Variants in PLD1 observed in about 807,000 individuals in gnomAD.
PLD1 encodes the protein phospholipase D1, also known as choline phosphatase 1.
In PLD1, 112 loss-of-function variants were observed where a neutral mutation model predicts 137.1. That is an observed-to-expected ratio of 0.82 (90% CI 0.70 to 0.96). The LOEUF (loss-of-function observed/expected upper bound fraction) is 0.96, where lower values mean the gene tolerates loss of function less well. Ranked by LOEUF, PLD1 falls within the 40% of genes least tolerant of loss-of-function variation. The pLI, the probability that PLD1 is intolerant of heterozygous loss-of-function variation, is 0.00. For missense variants in PLD1, 1,321 were observed against 1,342.0 expected (o/e 0.98, Z 0.24); for synonymous variants, 431 against 454.7 (o/e 0.95, Z 0.66).
At chr3:171,742,113 C>G (rs1005849724) in intron 1 of PLD1, among the ~76,000 whole-genome samples, 1 of 152,214 alleles carries the variant, frequency 6.6e-6, no homozygotes, top group African/African-American at 2.4e-5. Context: ...AGTGATGAAG[C>G]TGGTGATCAA....
intron 19 of PLD1, 74 bp from the exon 20 acceptor site, chr3:171,662,244 C>T: frequency 1.2e-6 from 1 of 837,476 alleles, no homozygotes; most frequent in Non-Finnish European, 2.0e-6. Flanking sequence ...ACAATGAAGT[C>T]ACTCCTTTTT....
chr3:171,727,426 A>C (rs1228474799), intron 6 of PLD1, among the ~76,000 whole-genome samples: 2 of 152,260 alleles, frequency 1.3e-5, no homozygotes, highest in Non-Finnish European at 2.9e-5. Flanking sequence ...ATGTGGAGGC[A>C]TAGAAGGGAA....
At chr3:171,630,381 T>C (rs1379781870) in intron 23 of PLD1, among the ~76,000 whole-genome samples, 1 of 139,904 alleles carries the variant, frequency 7.1e-6, no homozygotes, top group Non-Finnish European at 1.5e-5. Flanking sequence ...CTGGAGAGGA[T>C]GTGGAGAAAT....
intron 23 of PLD1, among the ~76,000 whole-genome samples, chr3:171,623,263 A>T (rs181020493): frequency 6.6e-6 from 1 of 152,202 alleles, no homozygotes; most frequent in African/African-American, 2.4e-5. Context: ...ATGCAAGAAT[A>T]AATTGAGAAA....
At chr3:171,642,724 G>A (rs1735870576) in intron 23 of PLD1, 116 bp downstream of exon 23, 1 of 640,258 alleles carries the variant, frequency 1.6e-6, no homozygotes, top group African/African-American at 1.9e-5. Context: ...TGAACATTTT[G>A]TGGGGTACCT....
intron 23 of PLD1, among the ~76,000 whole-genome samples, chr3:171,639,552 C>T (rs1297797442): frequency 4.5e-5 from 4 of 88,940 alleles, no homozygotes; most frequent in Non-Finnish European, 7.9e-5. Flanking sequence ...AATATATATT[C>T]ATATAATATA....
At chr3:171,609,507 A>AACAC (rs371080467) in intron 25 of PLD1, among the ~76,000 whole-genome samples, 1,650 of 136,934 alleles carry the variant, frequency 0.012, 17 homozygotes, top group East Asian at 0.038. Flanking sequence ...ACATAAAGAA[A>AACAC]ACACACACAC....
intron 1 of PLD1, among the ~76,000 whole-genome samples, chr3:171,747,071 C>T (rs890035775): frequency 6.6e-6 from 1 of 152,178 alleles, no homozygotes; most frequent in African/African-American, 2.4e-5. Context: ...AGAGCTGTGG[C>T]ACTCAAGGAG....
chr3:171,785,011 T>C (rs1191202360), intron 1 of PLD1, among the ~76,000 whole-genome samples: 1 of 152,212 alleles, frequency 6.6e-6, no homozygotes, highest in Non-Finnish European at 1.5e-5. Flanking sequence ...GGTGCACCTA[T>C]TTTAAGCTCG....
rs200373234 is a variant in PLD1 at position 171,609,942 on chromosome 3, C to T, written c.2882+2337G>A. Among the ~76,000 whole-genome samples the T allele has an allele frequency of 7.9e-5, 12 of 151,980 alleles. No homozygotes were observed. In the East Asian group the frequency reaches 2.1e-3, roughly 27 times the overall value. On this transcript the variant is annotated intron_variant, in intron 25 of 26. Coordinates refer to ENST00000351298, the MANE Select transcript of PLD1 (RefSeq NM_002662.5). ...AAGTTAAACCTTCCATCGTAATGGG[C>T]AAAGGATACAAATAAACTAGGCAAT...
intron 21 of PLD1, among the ~76,000 whole-genome samples, chr3:171,646,753 A>T (rs2108387505): frequency 6.6e-6 from 1 of 152,090 alleles, no homozygotes; most frequent in African/African-American, 2.4e-5. Flanking sequence ...TCAAAAAATT[A>T]AACTGGACAG....
At chr3:171,647,310 T>G (rs1736323048) in intron 21 of PLD1, among the ~76,000 whole-genome samples, 1 of 152,186 alleles carries the variant, frequency 6.6e-6, no homozygotes. Flanking sequence ...TTCCTTTAAA[T>G]TAAATTACAT....
chr3:171,692,193 T>C, intron 13 of PLD1, 139 bp downstream of exon 13: 1 of 540,806 alleles, frequency 1.8e-6, no homozygotes, highest in Non-Finnish European at 3.3e-6. Flanking sequence ...TATTTTGCTT[T>C]ATTTCTGAGG....
chr3:171,699,489 C>T (rs1003382840), intron 12 of PLD1, among the ~76,000 whole-genome samples: 4 of 152,220 alleles, frequency 2.6e-5, no homozygotes, highest in Admixed American at 6.5e-5. Context: ...ATAAAATTAG[C>T]TGCCCATAAC....
chr3:171,691,996 G>A (rs1578287651), intron 13 of PLD1, among the ~76,000 whole-genome samples: 1 of 152,152 alleles, frequency 6.6e-6, no homozygotes, highest in Admixed American at 6.5e-5. Flanking sequence ...GGATGTCACA[G>A]GGAGATCACA....
chr3:171,628,342 G>A (rs1169677861), intron 23 of PLD1, among the ~76,000 whole-genome samples: 1 of 152,078 alleles, frequency 6.6e-6, no homozygotes, highest in Non-Finnish European at 1.5e-5. Flanking sequence ...AGACCAATAA[G>A]AGGCTCTGAA....
intron 4 of PLD1, 105 bp downstream of exon 4, chr3:171,735,387 C>T: frequency 1.1e-6 from 1 of 918,676 alleles, no homozygotes; most frequent in Non-Finnish European, 1.8e-6. Flanking sequence ...CCTCCTGCCT[C>T]AGCCTCCCAA....
At chr3:171,780,230 A>G (rs756692880) in intron 1 of PLD1, among the ~76,000 whole-genome samples, 2 of 150,824 alleles carry the variant, frequency 1.3e-5, no homozygotes, top group East Asian at 2.0e-4. Context: ...GTTTGGATAT[A>G]TAAGTCTGAG....
At chr3:171,734,790 A>C (rs958143283) in intron 5 of PLD1, 75 bp downstream of exon 5, 4 of 849,318 alleles carry the variant, frequency 4.7e-6, no homozygotes, top group Non-Finnish European at 7.9e-6. Context: ...GGCCTACTTC[A>C]CCCCTCAGTA....
Sources: allele counts gnomAD v4.1 joint callset (sites outside exome capture counted in the v4.1 genomes callset), GRCh38; gene constraint gnomAD v4.1.1; transcripts MANE v1.5; gene names NCBI Gene and HGNC (gene_info 2026-07-23, HGNC 2026-07-21).